The following IL17B variants were observed in gnomAD, a reference collection of about 807,000 sequenced individuals.
The protein encoded by IL17B is interleukin-17B.
Under a neutral mutation model 14.7 loss-of-function variants are expected in IL17B, and 14 were observed. The ratio of observed to expected loss-of-function variants is 0.95; its 90% CI spans 0.63 to 1.49. The LOEUF (loss-of-function observed/expected upper bound fraction) is 1.49, where lower values mean the gene tolerates loss of function less well. Among genes scored for constraint, IL17B ranks in the 40% most tolerant of loss-of-function variants. IL17B has a pLI of 0.00. For synonymous variants in IL17B, 105 were observed against 94.8 expected, an observed-to-expected ratio of 1.11 and a Z score of -0.62; for missense variants, 233 against 252.8, an observed-to-expected ratio of 0.92 and a Z score of 0.53.
chr5:149,378,807 C>G (rs376603284), intron 1 of IL17B, among the ~76,000 whole-genome samples: 13 of 152,216 alleles, frequency 8.5e-5, no homozygotes, highest in African/African-American at 2.2e-4. Flanking sequence ...GCTCTCCACT[C>G]GGAGAAACGT....
chr5:149,400,005 C>G lies in IL17B; in HGVS notation n.95+4103G>C, dbSNP rs143128619. Among the ~76,000 whole-genome samples, 238 of 152,238 alleles carry G rather than the reference C, an allele frequency of 1.6e-3. 1 individual carries two copies. The highest frequency in any genetic ancestry group is 5.2e-3 in the African/African-American group (218 of 41,538). On this transcript the variant is annotated intron_variant and non_coding_transcript_variant, in intron 1 of 2. Transcript: ENST00000505432. ...CTTCACAGTAGCTACTGGCAAGCAC[C>G]CCTATATGGGTTTGTCCACATCAGT...
intron 1 of IL17B, among the ~76,000 whole-genome samples, chr5:149,392,636 G>A (rs781491089): frequency 6.6e-6 from 1 of 152,240 alleles, no homozygotes; most frequent in South Asian, 2.1e-4. Flanking sequence ...TGATAAGGGA[G>A]TGGGGTTAGA....
chr5:149,392,947 C>CATGCGTGT (rs1189412018), intron 1 of IL17B, among the ~76,000 whole-genome samples: 1 of 149,328 alleles, frequency 6.7e-6, no homozygotes. Flanking sequence ...TGCGTGTGTG[C>CATGCGTGT]GTGCGTGTGT....
rs560405944 is a variant in IL17B, at chr5:149,374,949, G to T, written c.312-349C>A. 39 of 198,154 alleles carry T rather than the reference G, an allele frequency of 2.0e-4. No homozygotes were observed. The highest frequency in any genetic ancestry group is 3.5e-4 in the East Asian group (3 of 8,602). 12.3% of individuals were successfully genotyped at this position (198,154 alleles called of 1,614,324 possible). A position where few individuals can be genotyped will look rare whatever the true frequency, so the allele number is the denominator to read the frequency against. Reference sequence around the variant, plus strand: ...ATGTGTTTCCTTTATTTGAGACAGGGTCTCACTCTGTCACCCAGGGTGGAA... The same window carrying T: ...ATGTGTTTCCTTTATTTGAGACAGGTTCTCACTCTGTCACCCAGGGTGGAA... On this transcript the variant is annotated intron_variant, in intron 2 of 2. Coordinates refer to ENST00000261796, the MANE Select transcript of IL17B (RefSeq NM_014443.3). The surrounding 1 kb of genome is among the most constrained non-coding windows in gnomAD (Gnocchi z 5.0).
chr5:149,401,946 G>A (rs573449587), intron 1 of IL17B, among the ~76,000 whole-genome samples: 2 of 152,130 alleles, frequency 1.3e-5, no homozygotes, highest in South Asian at 2.1e-4. Flanking sequence ...TTACATGCAC[G>A]GTCACATGTG....
At chr5:149,390,879 T>A (rs1175052818) in intron 1 of IL17B, among the ~76,000 whole-genome samples, 1 of 152,086 alleles carries the variant, frequency 6.6e-6, no homozygotes, top group African/African-American at 2.4e-5. Flanking sequence ...TAAAATTTTT[T>A]TAATAAACTG....
chr5:149,392,985 T>TGCGCGC (rs1359805771), intron 1 of IL17B, among the ~76,000 whole-genome samples: 49,889 of 145,826 alleles, frequency 0.34, 8,698 homozygotes, highest in African/African-American at 0.44. Flanking sequence ...TGCGTGTGTG[T>TGCGCGC]GTGCGTGTGT....
At chr5:149,384,679 A>G (rs115369943) in intron 1 of IL17B, among the ~76,000 whole-genome samples, 1,736 of 152,216 alleles carry the variant, frequency 0.011, 43 homozygotes, top group African/African-American at 0.04. Flanking sequence ...TGGCCCTGCT[A>G]TTATTTTGTT....
intron 1 of IL17B, among the ~76,000 whole-genome samples, chr5:149,390,630 C>CACACACACACACACAGAG (rs1491235916): frequency 6.1e-4 from 80 of 132,068 alleles, no homozygotes; most frequent in Middle Eastern, 3.7e-3. Flanking sequence ...CACACACACA[C>CACACACACACACACAGAG]AGAGATACAC....
chr5:149,376,606 A>G (rs1321238394), intron 2 of IL17B, 130 bp downstream of exon 2: 1 of 1,201,962 alleles, frequency 8.3e-7, no homozygotes, highest in Non-Finnish European at 1.2e-6. Context: ...ACAGGCAAGT[A>G]AGAGGCAGAG....
In IL17B at chr5:149,390,628, C is replaced by G. The variant is rs4705071; in HGVS notation, n.95+13480G>C. 8.7e-3 allele frequency among the ~76,000 whole-genome samples: 1,201 copies of G among 137,668 alleles called. 13 individuals carry two copies. Among genetic ancestry groups the G allele is most frequent in the African/African-American group, 0.033 (1,131 of 34,046 alleles). 90.3% of individuals were successfully genotyped at this position (137,668 alleles called of 152,430 possible). A position where few individuals can be genotyped will look rare whatever the true frequency, so the allele number is the denominator to read the frequency against. On this transcript the variant is annotated intron_variant and non_coding_transcript_variant, in intron 1 of 2. Transcript: ENST00000505432. ...ACACACACACACACACACACACACA[C>G]ACAGAGATACACAAGGCCCTCCAAG... is the stretch of plus-strand genomic sequence containing the variant.
Position 149,374,627 on chromosome 5 carries a change from G to A in IL17B, c.312-27C>T, listed in dbSNP as rs1019837413. ...TGCAGGGAGCAGAAGAAAGAGCAGA[G>A]CGGAAGGTGATCAGGAAAGGGCCAG... On this transcript the variant is annotated intron_variant, in intron 2 of 2. Transcript: ENST00000261796. This position sits in a 1 kb window ranked among gnomAD's most constrained non-coding sequence, Gnocchi z 5.0. The A allele has an allele frequency of 1.3e-6, 2 of 1,580,876 alleles. No homozygotes were observed. Among genetic ancestry groups the A allele is most frequent in the African/African-American group, 2.7e-5 (2 of 74,402 alleles).
At chr5:149,383,529 C>A (rs1050220571), upstream of IL17B, among the ~76,000 whole-genome samples, 15 of 152,280 alleles carry the variant, frequency 9.9e-5, no homozygotes, top group African/African-American at 3.6e-4. Context: ...CTAGGGAGGT[C>A]CTGGCTCTCC....
intron 1 of IL17B, among the ~76,000 whole-genome samples, chr5:149,391,509 A>G (rs141824803): frequency 6.0e-4 from 92 of 152,324 alleles, no homozygotes; most frequent in African/African-American, 1.9e-3. Context: ...TCCCAATTTT[A>G]GAGTTTTAGG....
chr5:149,394,234 T>G (rs1759047158), intron 1 of IL17B, among the ~76,000 whole-genome samples: 1 of 152,232 alleles, frequency 6.6e-6, no homozygotes, highest in Non-Finnish European at 1.5e-5. Context: ...AAGGGAAATC[T>G]ACAAATGCAT....
Position 149,391,840 on chromosome 5 carries a change from G to A in IL17B, n.95+12268C>T, listed in dbSNP as rs116185975. On this transcript the variant is annotated intron_variant and non_coding_transcript_variant, in intron 1 of 2. Coordinates refer to the IL17B transcript ENST00000505432. Reference sequence around the variant, plus strand: ...TGGCTATAAGCTCTGCAAGCCTAAAGGTCACTGTCGTGACCCCAGGAACTT... The same window carrying A: ...TGGCTATAAGCTCTGCAAGCCTAAAAGTCACTGTCGTGACCCCAGGAACTT... Among the ~76,000 whole-genome samples, 1,415 of 152,264 alleles carry A rather than the reference G, an allele frequency of 9.3e-3. 17 individuals carry two copies. The highest frequency in any genetic ancestry group is 0.032 in the African/African-American group (1,342 of 41,530).
chr5:149,393,282 G>A (rs752597854), intron 1 of IL17B, among the ~76,000 whole-genome samples: 3 of 152,116 alleles, frequency 2.0e-5, no homozygotes, highest in Admixed American at 6.5e-5. Context: ...CGCAGTGCAC[G>A]CTTCCAAGAA....
chr5:149,386,232 G>A lies in IL17B; in HGVS notation n.96-9207C>T, dbSNP rs534800863. Among the ~76,000 whole-genome samples the A allele has an allele frequency of 7.9e-5, 12 of 152,300 alleles. No homozygotes were observed. The South Asian group carries it at 2.5e-3, about 32-fold the overall frequency. On this transcript the variant is annotated intron_variant and non_coding_transcript_variant, in intron 1 of 2. Coordinates refer to the IL17B transcript ENST00000505432. Reference sequence around the variant, plus strand: ...AGCCATCAGGTAGGAGCTGTTCACAGACAGCAAGCATGTCTTACTCACAGA... The same window carrying A: ...AGCCATCAGGTAGGAGCTGTTCACAAACAGCAAGCATGTCTTACTCACAGA...
upstream of IL17B, among the ~76,000 whole-genome samples, chr5:149,381,902 G>C (rs1264471229): frequency 6.6e-6 from 1 of 152,224 alleles, no homozygotes; most frequent in Non-Finnish European, 1.5e-5. Flanking sequence ...CACGAGTGAG[G>C]CTGGGGTCCT....
Sources: gnomAD v4.1 joint callset for allele counts (sites outside exome capture counted in the v4.1 genomes callset) on GRCh38, gnomAD v4.1.1 for gene constraint, Gnocchi (gnomAD v3.1) non-coding constraint, MANE v1.5 for transcripts, NCBI Gene and HGNC (gene_info 2026-07-23, HGNC 2026-07-21) for gene names.